KCNH1: variants seen among roughly 807,000 people sequenced by gnomAD.
The protein encoded by KCNH1 is voltage-gated delayed rectifier potassium channel KCNH1.
A neutral mutation model predicts 69.2 loss-of-function variants in KCNH1; 27 were observed. That is an observed-to-expected ratio of 0.39 (90% CI 0.29 to 0.54). The LOEUF is 0.54. Among genes scored for constraint, KCNH1 ranks in the 20% least tolerant of loss-of-function variants. The pLI is 0.68. For synonymous variants in KCNH1, 456 were observed against 487.7 expected, an observed-to-expected ratio of 0.93 and a Z score of 0.86; for missense variants, 798 against 1,261.6, an observed-to-expected ratio of 0.63 and a Z score of 5.57.
intron 7 of KCNH1, among the ~76,000 whole-genome samples, chr1:210,807,590 G>A (rs1388078044): frequency 6.6e-6 from 1 of 152,028 alleles, no homozygotes; most frequent in Admixed American, 6.6e-5. Context: ...CAGCCTGGGT[G>A]GGTGACAAAG....
chr1:210,893,311 A>G (rs537710531), intron 7 of KCNH1, among the ~76,000 whole-genome samples: 12 of 152,114 alleles, frequency 7.9e-5, no homozygotes, highest in Non-Finnish European at 1.8e-4. Flanking sequence ...TTCTTTTAGT[A>G]CTTTAAAGAT....
At position 211,078,934 on chromosome 1, in the gene KCNH1, A is replaced by G. The variant is rs796796192; in HGVS notation, c.558+3846T>C. On this transcript the variant is annotated intron_variant, in intron 5 of 10. Coordinates refer to ENST00000271751, the MANE Select transcript of KCNH1 (RefSeq NM_172362.3). Reference sequence around the variant, plus strand: ...CTCCGTCTCAAAAAAAAAAAAAAAAAAAAGAAAGAAAGAAAGAAATAACTA... The same window carrying G: ...CTCCGTCTCAAAAAAAAAAAAAAAAGAAAGAAAGAAAGAAAGAAATAACTA... 4.8e-3 allele frequency among the ~76,000 whole-genome samples: 686 copies of G among 142,354 alleles called. 3 individuals are homozygous for G. The highest frequency in any genetic ancestry group is 6.2e-3 in the Non-Finnish European group (406 of 65,166). 93.4% of individuals were successfully genotyped at this position (142,354 alleles called of 152,430 possible). A position where few individuals can be genotyped will look rare whatever the true frequency, so the allele number is the denominator to read the frequency against.
At chr1:210,883,247 G>A (rs140712793) in intron 7 of KCNH1, among the ~76,000 whole-genome samples, 2 of 152,290 alleles carry the variant, frequency 1.3e-5, no homozygotes, top group Non-Finnish European at 2.9e-5. Flanking sequence ...TGCTAATGAA[G>A]GCAAAGGATG....
intron 3 of KCNH1, among the ~76,000 whole-genome samples, chr1:211,102,372 T>C (rs1195528139): frequency 6.6e-6 from 1 of 152,336 alleles, no homozygotes; most frequent in East Asian, 1.9e-4. Flanking sequence ...TGTGTTCCCC[T>C]ATAGTGGAAA....
chr1:210,980,800 C>A (rs1441472390), intron 6 of KCNH1, among the ~76,000 whole-genome samples: 1 of 148,028 alleles, frequency 6.8e-6, no homozygotes, highest in African/African-American at 2.5e-5. Flanking sequence ...TGAGATGGGA[C>A]ATCACAATGT....
chr1:210,883,748 G>A (rs1054411460), intron 7 of KCNH1, among the ~76,000 whole-genome samples: 2 of 152,200 alleles, frequency 1.3e-5, no homozygotes, highest in Non-Finnish European at 2.9e-5. Context: ...GTATTGTCTT[G>A]GACAGCCCAT....
chr1:210,721,894 T>G (rs1682474236), intron 10 of KCNH1, among the ~76,000 whole-genome samples: 1 of 152,178 alleles, frequency 6.6e-6, no homozygotes, highest in South Asian at 2.1e-4. Context: ...TTCCTGTGGT[T>G]CCAGGAAGAG....
At chr1:210,983,722 T>C (rs1688763355) in intron 6 of KCNH1, among the ~76,000 whole-genome samples, 1 of 152,220 alleles carries the variant, frequency 6.6e-6, no homozygotes, top group Non-Finnish European at 1.5e-5. Context: ...TCCAGCTTTG[T>C]TCTTTTGGCT....
At chr1:211,113,967 C>CTG (rs1553381066) in intron 1 of KCNH1, among the ~76,000 whole-genome samples, 1 of 131,246 alleles carries the variant, frequency 7.6e-6, no homozygotes, top group Admixed American at 7.6e-5. Context: ...CTCTCTCTCT[C>CTG]TCTCTCTCAC....
At chr1:210,716,532 T>G (rs1682256595) in intron 10 of KCNH1, among the ~76,000 whole-genome samples, 1 of 152,166 alleles carries the variant, frequency 6.6e-6, no homozygotes, top group Non-Finnish European at 1.5e-5. Flanking sequence ...GAGGAATGAT[T>G]TACTACAGGG....
intron 7 of KCNH1, among the ~76,000 whole-genome samples, chr1:210,827,359 AG>A (rs1685054886): frequency 6.6e-6 from 1 of 151,746 alleles, no homozygotes; most frequent in Non-Finnish European, 1.5e-5. Context: ...AAGAAAAAAA[AG>A]AAATATCAGC....
intron 6 of KCNH1, among the ~76,000 whole-genome samples, chr1:210,955,051 T>G (rs1180918211): frequency 6.6e-6 from 1 of 152,260 alleles, no homozygotes; most frequent in Non-Finnish European, 1.5e-5. Flanking sequence ...CATTTAAGAC[T>G]TTAATCCATC....
At chr1:210,803,840 G>A (rs1684476813) in intron 8 of KCNH1, 127 bp downstream of exon 8, 8 of 770,890 alleles carry the variant, frequency 1.0e-5, no homozygotes, top group Non-Finnish European at 1.7e-5. Flanking sequence ...GTAGGACCTG[G>A]AATCCCAAAG....
intron 5 of KCNH1, among the ~76,000 whole-genome samples, chr1:211,046,677 C>G (rs372761272): frequency 6.6e-6 from 1 of 152,144 alleles, no homozygotes; most frequent in Non-Finnish European, 1.5e-5. Context: ...ATGCTTTAAA[C>G]CCCTCTGCTC....
intron 1 of KCNH1, among the ~76,000 whole-genome samples, chr1:211,129,955 A>G (rs1223679200): frequency 2.0e-5 from 3 of 152,208 alleles, no homozygotes; most frequent in Non-Finnish European, 4.4e-5. Flanking sequence ...CCGAACACTA[A>G]AACATATGTT....
intron 7 of KCNH1, among the ~76,000 whole-genome samples, chr1:210,863,844 C>T (rs1230942794): frequency 6.6e-6 from 1 of 152,182 alleles, no homozygotes; most frequent in Non-Finnish European, 1.5e-5. Context: ...AGGTGCTCCA[C>T]ACGAAGTACT....
At chr1:211,002,901 A>G (rs1224139763) in intron 6 of KCNH1, among the ~76,000 whole-genome samples, 3 of 152,170 alleles carry the variant, frequency 2.0e-5, no homozygotes, top group Admixed American at 2.0e-4. Flanking sequence ...AAGGAGATAA[A>G]GTTATAAAGA....
intron 10 of KCNH1, among the ~76,000 whole-genome samples, chr1:210,769,498 TCAAA>T (rs1683709117): frequency 6.6e-6 from 1 of 151,994 alleles, no homozygotes; most frequent in Non-Finnish European, 1.5e-5. Context: ...GGGGCTTTAA[TCAAA>T]CAAAAAAAAT....
chr1:210,689,454 C>T (rs73067433), intron 10 of KCNH1, among the ~76,000 whole-genome samples: 3,719 of 152,116 alleles, frequency 0.024, 88 homozygotes, highest in African/African-American at 0.061. Flanking sequence ...GACAGCAAGA[C>T]GATGTGGGGA....
Sources: allele counts gnomAD v4.1 joint callset (sites outside exome capture counted in the v4.1 genomes callset), GRCh38; gene constraint gnomAD v4.1.1; transcripts MANE v1.5; gene names NCBI Gene and HGNC (gene_info 2026-07-23, HGNC 2026-07-21).